SYNPO2: variants seen among roughly 807,000 people sequenced by gnomAD.
The protein encoded by SYNPO2 is synaptopodin-2.
In SYNPO2, 56 loss-of-function variants were observed where a neutral mutation model predicts 85.0. The observed-to-expected ratio is 0.66, with a 90% CI of 0.53 to 0.82. The LOEUF (loss-of-function observed/expected upper bound fraction) is 0.82. Among genes scored for constraint, SYNPO2 ranks in the 40% least tolerant of loss-of-function variants. SYNPO2 has a pLI of 0.00. For missense variants in SYNPO2, 1,575 were observed against 1,534.2 expected, an observed-to-expected ratio of 1.03 and a Z score of -0.44; for synonymous variants, 602 against 591.1, an observed-to-expected ratio of 1.02 and a Z score of -0.27.
At chr4:118,873,486 A>T (rs1731840336) in intron 1 of SYNPO2, among the ~76,000 whole-genome samples, 1 of 152,012 alleles carries the variant, frequency 6.6e-6, no homozygotes, top group Non-Finnish European at 1.5e-5. Context: ...CCTAGTGGCT[A>T]TTTGTATGTC....
intron 1 of SYNPO2, among the ~76,000 whole-genome samples, chr4:118,853,441 T>A (rs1241793333): frequency 6.6e-6 from 1 of 152,126 alleles, no homozygotes; most frequent in Non-Finnish European, 1.5e-5. Context: ...CGGCATGAAT[T>A]TGATGGACCT....
At chr4:118,883,660 A>G (rs1394025729) in intron 1 of SYNPO2, among the ~76,000 whole-genome samples, 1 of 152,148 alleles carries the variant, frequency 6.6e-6, no homozygotes. Context: ...CCAGAAGACC[A>G]TTGTCAACAT....
intron 1 of SYNPO2, among the ~76,000 whole-genome samples, chr4:118,960,448 G>A (rs1735038910): frequency 6.6e-6 from 1 of 152,072 alleles, no homozygotes; most frequent in South Asian, 2.1e-4. Flanking sequence ...AATGTAAAAT[G>A]GTAAAATCGT....
At chr4:119,036,456 AATT>A in intron 4 of SYNPO2, 1 of 985,446 alleles carries the variant, frequency 1.0e-6, no homozygotes, top group Non-Finnish European at 1.2e-6. Flanking sequence ...GTTAGTCAAC[AATT>A]ATTCTGGGAA....
upstream of SYNPO2, among the ~76,000 whole-genome samples, chr4:118,885,000 G>A (rs1177752155): frequency 6.6e-6 from 1 of 152,212 alleles, no homozygotes. Context: ...TGGAGAATGT[G>A]ATCTCTAATC....
rs1248698570 is a variant in SYNPO2 at position 119,061,223 on chromosome 4, T to C, written c.*3289T>C. The C allele has an allele frequency of 6.6e-6, 1 of 152,130 alleles. No individual in the cohort carries two copies. Among genetic ancestry groups the C allele is most frequent in the Non-Finnish European group, 1.5e-5 (1 of 68,008 alleles). The allele number at this position is 152,130 out of a possible 1,614,324, so 9.4% of individuals were successfully genotyped here. On this transcript the variant is annotated 3_prime_UTR_variant, in exon 5 of 5. Coordinates refer to ENST00000307142, the MANE Select transcript of SYNPO2 (RefSeq NM_133477.3). ...ATACGGAAAATTGAAATTATATTAG[T>C]AATAAATGTAACTTGAAAAATCAAG...
chr4:119,032,175 C>T, intron 4 of SYNPO2, 148 bp downstream of exon 4: 2 of 1,467,658 alleles, frequency 1.4e-6, no homozygotes, highest in Non-Finnish European at 1.8e-6. Context: ...TATGTCACCT[C>T]CTAATCTGGG....
intron 1 of SYNPO2, among the ~76,000 whole-genome samples, chr4:119,007,263 T>TATATATATGTATATAC (rs1737103762): frequency 1.3e-5 from 1 of 77,784 alleles, no homozygotes; most frequent in South Asian, 4.0e-4. Flanking sequence ...CATATATATA[T>TATATATATGTATATAC]ATATATATAT....
chr4:118,954,651 G>T (rs1209356236), intron 1 of SYNPO2, among the ~76,000 whole-genome samples: 2 of 94,876 alleles, frequency 2.1e-5, no homozygotes, highest in Non-Finnish European at 4.6e-5. Flanking sequence ...AAATCGACTG[G>T]TTAGTTGATC....
At chr4:118,981,179 A>G (rs920906554) in intron 1 of SYNPO2, among the ~76,000 whole-genome samples, 1 of 152,228 alleles carries the variant, frequency 6.6e-6, no homozygotes, top group African/African-American at 2.4e-5. Flanking sequence ...AGTACCACAA[A>G]CAATGCAACA....
At chr4:118,941,536 A>G (rs1376543719) in intron 1 of SYNPO2, among the ~76,000 whole-genome samples, 1 of 152,196 alleles carries the variant, frequency 6.6e-6, no homozygotes, top group Non-Finnish European at 1.5e-5. Context: ...ACTTGCCTAT[A>G]CCAGGCCATT....
chr4:118,864,894 G>A (rs6534108), intron 1 of SYNPO2, among the ~76,000 whole-genome samples: 39,758 of 152,074 alleles, frequency 0.26, 6,745 homozygotes, highest in African/African-American at 0.47. Flanking sequence ...TGTTGAATAA[G>A]TAAGATACTG....
chr4:118,903,743 C>A (rs1410066940), intron 1 of SYNPO2, among the ~76,000 whole-genome samples: 1 of 151,172 alleles, frequency 6.6e-6, no homozygotes, highest in South Asian at 2.1e-4. Flanking sequence ...GACGGAATCT[C>A]ACTCTGTCAC....
chr4:118,859,252 T>A (rs1314243259), intron 1 of SYNPO2, among the ~76,000 whole-genome samples: 1 of 152,182 alleles, frequency 6.6e-6, no homozygotes, highest in Non-Finnish European at 1.5e-5. Flanking sequence ...TATTTTTAAA[T>A]TTTTTTAAAT....
intron 1 of SYNPO2, among the ~76,000 whole-genome samples, chr4:119,007,725 C>G (rs918568285): frequency 6.6e-6 from 1 of 152,100 alleles, no homozygotes; most frequent in African/African-American, 2.4e-5. Flanking sequence ...TTCCTACAAT[C>G]ACATCCTTTC....
At chr4:118,985,950 A>C (rs1178130624) in intron 1 of SYNPO2, among the ~76,000 whole-genome samples, 1 of 151,784 alleles carries the variant, frequency 6.6e-6, no homozygotes, top group African/African-American at 2.4e-5. Flanking sequence ...GATGTGAACA[A>C]CTCTTCAGCA....
intron 1 of SYNPO2, among the ~76,000 whole-genome samples, chr4:118,923,616 C>A (rs1004896895): frequency 2.0e-5 from 3 of 151,998 alleles, no homozygotes; most frequent in Non-Finnish European, 2.9e-5. Flanking sequence ...TTTAAGAACC[C>A]AAATATTGAA....
At chr4:119,041,834 A>G (rs184069814) in intron 4 of SYNPO2, among the ~76,000 whole-genome samples, 111 of 152,244 alleles carry the variant, frequency 7.3e-4, no homozygotes, top group Admixed American at 1.2e-3. Flanking sequence ...CACCTTAGAG[A>G]TAGCCCCACC....
chr4:118,865,496 A>G (rs556985423), intron 1 of SYNPO2, among the ~76,000 whole-genome samples: 28 of 152,372 alleles, frequency 1.8e-4, no homozygotes, highest in Non-Finnish European at 3.1e-4. Context: ...AAGGGACAAT[A>G]AAAGATGACA....
Sources: gnomAD v4.1 joint callset for allele counts (sites outside exome capture counted in the v4.1 genomes callset) on GRCh38, gnomAD v4.1.1 for gene constraint, MANE v1.5 for transcripts, NCBI Gene and HGNC (gene_info 2026-07-23, HGNC 2026-07-21) for gene names.